CDK5RAP2: variants seen among roughly 807,000 people sequenced by gnomAD.
CDK5RAP2 encodes the protein CDK5 regulatory subunit-associated protein 2.
CDK5RAP2 carries 147 observed loss-of-function variants against 232.9 expected under a neutral mutation model. The ratio of observed to expected loss-of-function variants is 0.63; its 90% CI spans 0.55 to 0.72. The LOEUF is 0.72. Among genes scored for constraint, CDK5RAP2 ranks in the 30% least tolerant of loss-of-function variants. The pLI, the probability that CDK5RAP2 is intolerant of heterozygous loss-of-function variation, is 0.00. For missense variants in CDK5RAP2, 2,195 were observed against 2,231.5 expected (o/e 0.98, Z 0.33); for synonymous variants, 833 against 833.7 (o/e 1.00, Z 0.01).
chr9:120,575,613 C>A lies in CDK5RAP2; in HGVS notation c.60-3572G>T, dbSNP rs574314391. The stretch of plus-strand genomic sequence containing the variant: ...ATTACACAAACAAACTCACTTTTGT[C>A]TTTTAACAACCCCTTTTTCATTCTA... On this transcript the variant is annotated intron_variant, in intron 1 of 37. Coordinates refer to ENST00000349780, the MANE Select transcript of CDK5RAP2 (RefSeq NM_018249.6). Among the ~76,000 whole-genome samples, 103 of 152,286 alleles carry A rather than the reference C, an allele frequency of 6.8e-4. 2 individuals are homozygous for A. The highest frequency in any genetic ancestry group is 1.1e-3 in the Non-Finnish European group (78 of 68,002).
At chr9:120,405,153 T>A (rs73546170) in intron 32 of CDK5RAP2, among the ~76,000 whole-genome samples, 1 of 152,182 alleles carries the variant, frequency 6.6e-6, no homozygotes, top group Non-Finnish European at 1.5e-5. Context: ...GTCAGCTCCA[T>A]AGAGCTGGCC....
chr9:120,472,021 T>G, intron 15 of CDK5RAP2, 143 bp from the exon 16 acceptor site: 1 of 952,740 alleles, frequency 1.0e-6, no homozygotes, highest in Non-Finnish European at 1.6e-6. Context: ...CTATAGAGAA[T>G]TTTAAATACA....
At chr9:120,524,718 C>T (rs2040823462) in intron 11 of CDK5RAP2, among the ~76,000 whole-genome samples, 1 of 152,010 alleles carries the variant, frequency 6.6e-6, no homozygotes, top group African/African-American at 2.4e-5. Context: ...ATGAGATAAT[C>T]CACATATCTT....
chr9:120,494,680 A>C (rs1206540707), intron 12 of CDK5RAP2, among the ~76,000 whole-genome samples: 1 of 152,128 alleles, frequency 6.6e-6, no homozygotes. Context: ...AACTAATAAG[A>C]ATAGAAGGAA....
chr9:120,455,003 T>A (rs887408691), intron 20 of CDK5RAP2, among the ~76,000 whole-genome samples: 1 of 152,158 alleles, frequency 6.6e-6, no homozygotes, highest in East Asian at 1.9e-4. Flanking sequence ...TAAGCCAGCA[T>A]GTAAAACACC....
chr9:120,488,620 C>T (rs1293432207), intron 13 of CDK5RAP2, among the ~76,000 whole-genome samples: 1 of 152,222 alleles, frequency 6.6e-6, no homozygotes, highest in East Asian at 1.9e-4. Flanking sequence ...TTAGATTCTA[C>T]CTACTGGCTC....
At chr9:120,429,684 T>C (rs1352317580) in intron 25 of CDK5RAP2, among the ~76,000 whole-genome samples, 1 of 152,102 alleles carries the variant, frequency 6.6e-6, no homozygotes. Flanking sequence ...GCCATACTGC[T>C]CAAGGTAATT....
intron 21 of CDK5RAP2, among the ~76,000 whole-genome samples, chr9:120,452,153 T>C (rs564094982): frequency 3.8e-4 from 58 of 151,826 alleles, no homozygotes; most frequent in African/African-American, 1.3e-3. Context: ...CAGGTACAAA[T>C]TGAAGGAGCT....
In CDK5RAP2 at chr9:120,417,071, G is replaced by A. The variant is rs182783867; in HGVS notation, c.4178-1912C>T. ...TCTGCAAAAAGCTACTGGCACCCAC[G>A]GCACTGCATCTCCACGCTCCTTAAA... On this transcript the variant is annotated intron_variant, in intron 27 of 37. Transcript: ENST00000349780. Among the ~76,000 whole-genome samples, 62 of 152,212 alleles carry A rather than the reference G, an allele frequency of 4.1e-4. 1 individual carries two copies. In the South Asian group the frequency reaches 9.7e-3, roughly 24 times the overall value.
At chr9:120,435,470 TACACACACAC>T (rs55654634) in intron 25 of CDK5RAP2, among the ~76,000 whole-genome samples, 11,227 of 147,366 alleles carry the variant, frequency 0.076, 645 homozygotes, top group East Asian at 0.28. Context: ...ATTACACATT[TACACACACAC>T]ACACACACAC....
chr9:120,429,068 TA>T (rs2035110933), intron 25 of CDK5RAP2, among the ~76,000 whole-genome samples: 1 of 152,196 alleles, frequency 6.6e-6, no homozygotes, highest in South Asian at 2.1e-4. Flanking sequence ...CCCTTCATGC[TA>T]AAAACTCTTA....
chr9:120,526,515 T>TCC (rs1369265200), intron 10 of CDK5RAP2, among the ~76,000 whole-genome samples: 1 of 152,008 alleles, frequency 6.6e-6, no homozygotes, highest in Non-Finnish European at 1.5e-5. Flanking sequence ...AATAAGCCCC[T>TCC]CCCCCTCCAT....
intron 7 of CDK5RAP2, among the ~76,000 whole-genome samples, chr9:120,533,913 C>A (rs552647958): frequency 3.0e-4 from 46 of 151,866 alleles, no homozygotes; most frequent in Non-Finnish European, 1.3e-4. Flanking sequence ...CACATCCACT[C>A]TACCTTCTAG....
At position 120,550,860 on chromosome 9, in the gene CDK5RAP2, G is replaced by A. The variant is rs148541395; in HGVS notation, c.238C>T (p.Arg80Cys). Residue 80 changes from arginine (R) to cysteine (C), a missense_variant, in exon 4 of 38, where the codon CGC becomes TGC. By Grantham distance (180) the Arg-to-Cys change is radical. Coordinates refer to ENST00000349780, the MANE Select transcript of CDK5RAP2 (RefSeq NM_018249.6). ...LKKENFNLKL[R>C]IYFLEERMQQ... is the part of the protein sequence containing the mutation. Reference sequence around the variant, plus strand: ...ATTCTTTCCTCAAGGAAATAGATGCGGAGCTTTAGGTTAAAGTTTTCTTTC... The same window carrying A: ...ATTCTTTCCTCAAGGAAATAGATGCAGAGCTTTAGGTTAAAGTTTTCTTTC... 26 of 1,613,230 alleles carry A rather than the reference G, an allele frequency of 1.6e-5. No homozygotes were observed. The highest frequency in any genetic ancestry group is 6.7e-5 in the African/African-American group (5 of 75,018).
chr9:120,483,759 A>G (rs1306555220), intron 14 of CDK5RAP2, among the ~76,000 whole-genome samples: 4 of 152,202 alleles, frequency 2.6e-5, no homozygotes, highest in Admixed American at 2.6e-4. Flanking sequence ...CTGACACCAA[A>G]GCCGGGCATT....
chr9:120,403,958 ACC>A lies in CDK5RAP2; in HGVS notation c.5041+76_5041+77del. ...ATACCCTCCTGAGTTGGGACCAGGGACCCCCCTTTTCTGCAAGTTAAAAAGTC... is the reference window on the plus strand; with the variant it reads ...ATACCCTCCTGAGTTGGGACCAGGGACCCCTTTTCTGCAAGTTAAAAAGTC... On this transcript the variant is annotated intron_variant, in intron 33 of 37. Transcript: ENST00000349780. The surrounding 1 kb of genome is among the most constrained non-coding windows in gnomAD (Gnocchi z 4.2). 1 of 958,376 alleles carries A rather than the reference ACC, an allele frequency of 1.0e-6. No homozygotes were observed. Among genetic ancestry groups the A allele is most frequent in the South Asian group, 1.3e-5 (1 of 77,198 alleles). The allele number at this position is 958,376 out of a possible 1,614,324, so 59.4% of individuals were successfully genotyped here.
chr9:120,445,321 C>T (rs1488854090), intron 22 of CDK5RAP2, among the ~76,000 whole-genome samples: 1 of 152,152 alleles, frequency 6.6e-6, no homozygotes, highest in Non-Finnish European at 1.5e-5. Context: ...CAGAAGATAC[C>T]ACCAACGACC....
Position 120,403,946 on chromosome 9 carries a change from T to C in CDK5RAP2, c.5041+90A>G, listed in dbSNP as rs888421582. The C allele has an allele frequency of 2.9e-5, 25 of 861,896 alleles. No individual in the cohort carries two copies. Among genetic ancestry groups the C allele is most frequent in the Non-Finnish European group, 4.4e-5 (22 of 499,218 alleles). The allele number at this position is 861,896 out of a possible 1,614,324, so 53.4% of individuals were successfully genotyped here. On this transcript the variant is annotated intron_variant, in intron 33 of 37. Coordinates refer to ENST00000349780, the MANE Select transcript of CDK5RAP2 (RefSeq NM_018249.6). This position sits in a 1 kb window ranked among gnomAD's most constrained non-coding sequence, Gnocchi z 4.2. ...AATCCTTACCAAATACCCTCCTGAG[T>C]TGGGACCAGGGACCCCCCTTTTCTG... is the stretch of plus-strand genomic sequence containing the variant.
Position 120,390,134 on chromosome 9 carries a change from G to A in CDK5RAP2, c.5579-347C>T, listed in dbSNP as rs554774234. 20 of 299,364 alleles carry A rather than the reference G, an allele frequency of 6.7e-5. 1 individual carries two copies. The highest frequency in any genetic ancestry group is 3.5e-4 in the East Asian group (5 of 14,238). The allele number at this position is 299,364 out of a possible 1,614,324, so 18.5% of individuals were successfully genotyped here. ...CCTCAGGCTCACTTCTGTGGGCCAG[G>A]GAGGGCAATGGCGCAGGGAGGGTAG... On this transcript the variant is annotated intron_variant, in intron 36 of 37. Transcript: ENST00000349780.
Sources: gnomAD v4.1 joint callset for allele counts (sites outside exome capture counted in the v4.1 genomes callset) on GRCh38, gnomAD v4.1.1 for gene constraint, Gnocchi (gnomAD v3.1) non-coding constraint, MANE v1.5 for transcripts, NCBI Gene and HGNC (gene_info 2026-07-23, HGNC 2026-07-21) for gene names.